ERBB4: variants seen among roughly 807,000 people sequenced by gnomAD.
ERBB4 encodes the protein erb-b2 receptor tyrosine kinase 4, also known as receptor tyrosine-protein kinase erbB-4.
In ERBB4, 42 loss-of-function variants were observed where a neutral mutation model predicts 158.0. That is an observed-to-expected ratio of 0.27 (90% CI 0.21 to 0.34). The LOEUF is 0.34. ERBB4 is among the 10% of genes least tolerant of loss of function. The pLI is 1.00. For missense variants in ERBB4, 1,333 were observed against 1,624.1 expected (o/e 0.82, Z 3.08); for synonymous variants, 583 against 558.7 (o/e 1.04, Z -0.61).
chr2:211,812,311 T>G (rs2076776008), intron 3 of ERBB4, among the ~76,000 whole-genome samples: 1 of 152,252 alleles, frequency 6.6e-6, no homozygotes, highest in Non-Finnish European at 1.5e-5. Flanking sequence ...TTGCTGGAGG[T>G]CCACTCCAGA....
intron 3 of ERBB4, among the ~76,000 whole-genome samples, chr2:211,945,377 C>T (rs560029910): frequency 7.5e-4 from 114 of 152,172 alleles, no homozygotes; most frequent in African/African-American, 2.6e-3. Context: ...CACATAACAA[C>T]CACCTAATAA....
At chr2:211,702,922 A>G (rs1302710611) in intron 11 of ERBB4, among the ~76,000 whole-genome samples, 3 of 152,084 alleles carry the variant, frequency 2.0e-5, no homozygotes, top group Admixed American at 2.0e-4. Flanking sequence ...ACATTTTTGT[A>G]ATTATTTACT....
chr2:212,095,095 A>G (rs930720030), intron 2 of ERBB4, among the ~76,000 whole-genome samples: 6 of 152,142 alleles, frequency 3.9e-5, no homozygotes, highest in Non-Finnish European at 8.8e-5. Context: ...AATGCCTTAC[A>G]CCTTATGTCA....
intron 1 of ERBB4, among the ~76,000 whole-genome samples, chr2:212,418,303 G>T (rs1194070154): frequency 6.6e-6 from 1 of 151,702 alleles, no homozygotes; most frequent in Non-Finnish European, 1.5e-5. Flanking sequence ...TCCAGTTCTT[G>T]GTAATTTCCA....
intron 20 of ERBB4, 80 bp downstream of exon 20, chr2:211,561,823 A>G: frequency 8.2e-7 from 1 of 1,221,184 alleles, no homozygotes; most frequent in Non-Finnish European, 1.2e-6. Context: ...AAGACAACAT[A>G]TTTTCAATAT....
At chr2:211,753,740 T>TATATATATTTAATATATATATATTATAC (rs2075203827) in intron 4 of ERBB4, among the ~76,000 whole-genome samples, 6 of 147,842 alleles carry the variant, frequency 4.1e-5, no homozygotes, top group African/African-American at 1.5e-4. Flanking sequence ...CTTGTTTATA[T>TATATATATTTAATATATATATATTATAC]ATATATATTT....
intron 20 of ERBB4, among the ~76,000 whole-genome samples, chr2:211,503,252 G>A (rs1435852191): frequency 6.6e-6 from 1 of 152,026 alleles, no homozygotes; most frequent in East Asian, 1.9e-4. Flanking sequence ...ACATGACTCT[G>A]GGCACCCACC....
At chr2:211,849,038 T>C in intron 3 of ERBB4, among the ~76,000 whole-genome samples, 1 of 152,070 alleles carries the variant, frequency 6.6e-6, no homozygotes, top group East Asian at 1.9e-4. Flanking sequence ...TTCAACTATT[T>C]TTTAAATCCC....
chr2:212,501,797 CAATACAA>C (rs1690906790), intron 1 of ERBB4, among the ~76,000 whole-genome samples: 1 of 151,852 alleles, frequency 6.6e-6, no homozygotes, highest in South Asian at 2.1e-4. Flanking sequence ...TGTTATGTTT[CAATACAA>C]AGACAAACTC....
intron 1 of ERBB4, among the ~76,000 whole-genome samples, chr2:212,463,772 G>T (rs960512052): frequency 6.6e-6 from 1 of 152,050 alleles, no homozygotes; most frequent in Non-Finnish European, 1.5e-5. Flanking sequence ...TCATGAATCA[G>T]TTCAAAAGGT....
intron 5 of ERBB4, among the ~76,000 whole-genome samples, chr2:211,726,696 T>C (rs1418764530): frequency 6.6e-6 from 1 of 152,216 alleles, no homozygotes; most frequent in African/African-American, 2.4e-5. Flanking sequence ...CTAAAAGTTT[T>C]CTCAGATCCC....
chr2:211,387,387 A>G (rs191080641), intron 26 of ERBB4, among the ~76,000 whole-genome samples: 4 of 152,310 alleles, frequency 2.6e-5, no homozygotes, highest in Non-Finnish European at 4.4e-5. Context: ...TAGTTTTATT[A>G]ACCAACTGAA....
rs868462357 is a variant in ERBB4 at position 212,049,717 on chromosome 2, T to C, written c.234+75035A>G. Among the ~76,000 whole-genome samples the C allele has an allele frequency of 7.2e-5, 11 of 152,338 alleles. No homozygotes were observed. In the South Asian group the frequency reaches 1.2e-3, roughly 17 times the overall value. ...AAATTATGATTGCCTGTTCTCTACA[T>C]TAAAAGAACATTGCTGGGCAGAATA... On this transcript the variant is annotated intron_variant, in intron 2 of 27. Transcript: ENST00000342788.
At chr2:212,260,186 T>A (rs1559868397) in intron 1 of ERBB4, among the ~76,000 whole-genome samples, 1 of 152,186 alleles carries the variant, frequency 6.6e-6, no homozygotes. Context: ...AATTTTTACT[T>A]GTTTTTAAAT....
At chr2:212,197,558 C>G (rs757646811) in intron 1 of ERBB4, among the ~76,000 whole-genome samples, 7 of 152,116 alleles carry the variant, frequency 4.6e-5, no homozygotes, top group Non-Finnish European at 1.0e-4. Context: ...AAATACAGAA[C>G]TATGTTATTA....
chr2:211,604,498 C>A (rs1301101171), intron 19 of ERBB4, among the ~76,000 whole-genome samples: 1 of 152,104 alleles, frequency 6.6e-6, no homozygotes, highest in Non-Finnish European at 1.5e-5. Flanking sequence ...ATACTTTATG[C>A]TCGACTGCTG....
chr2:211,383,739 T>G lies in ERBB4; in HGVS notation c.3803A>C (p.Tyr1268Ser). 6.2e-7 allele frequency: 1 copy of G among 1,614,116 alleles called. No homozygotes were observed. The highest frequency in any genetic ancestry group is 8.5e-7 in the Non-Finnish European group (1 of 1,179,994). ...AGGCCGGATCCGCCCATTCTGTTTA[T>G]AAAAATATTTTGTGCTGTACTCCTG... ...YLQEYSTKYF[Y>S]KQNGRIRPIV... The change falls in exon 28 of 28, where the codon TAT becomes TCT. Residue 1268 changes from tyrosine to serine, a missense_variant. Around this residue, in one of 5 missense-constraint regions of ERBB4, gnomAD observed 84 missense variants for 110.8 expected, o/e 0.76. Transcript: ENST00000342788.
At chr2:212,128,918 G>C (rs1575674186) in intron 1 of ERBB4, among the ~76,000 whole-genome samples, 1 of 151,886 alleles carries the variant, frequency 6.6e-6, no homozygotes, top group African/African-American at 2.4e-5. Context: ...TATATTAAAG[G>C]CCCTTTTGGA....
chr2:211,568,844 TG>T (rs949207693), intron 19 of ERBB4, among the ~76,000 whole-genome samples: 13 of 152,156 alleles, frequency 8.5e-5, no homozygotes, highest in Non-Finnish European at 4.4e-5. Context: ...GCCACAATGA[TG>T]AAAAATGAAA....
Sources: allele counts gnomAD v4.1 joint callset (sites outside exome capture counted in the v4.1 genomes callset), GRCh38; gene constraint gnomAD v4.1.1; regional missense constraint gnomAD v4.1.1; transcripts MANE v1.5; gene names NCBI Gene and HGNC (gene_info 2026-07-23, HGNC 2026-07-21).